TMC7: variants seen among roughly 807,000 people sequenced by gnomAD.
The protein encoded by TMC7 is transmembrane channel like 7.
In TMC7, 54 loss-of-function variants were observed where a neutral mutation model predicts 82.9. The ratio of observed to expected loss-of-function variants is 0.65; its 90% CI spans 0.52 to 0.82. The LOEUF is 0.82. Ranked by LOEUF, TMC7 falls within the 40% of genes least tolerant of loss-of-function variation. The pLI is 0.00. For missense variants in TMC7, 820 were observed against 901.2 expected, an observed-to-expected ratio of 0.91 and a Z score of 1.15; for synonymous variants, 350 against 337.9, an observed-to-expected ratio of 1.04 and a Z score of -0.39.
chr16:19,013,684 A>T (rs1396189443), intron 2 of TMC7, among the ~76,000 whole-genome samples: 2 of 150,484 alleles, frequency 1.3e-5, no homozygotes, highest in South Asian at 4.2e-4. Flanking sequence ...TGCCTGGCTA[A>T]TTTTTTTTAT....
chr16:19,047,642 G>A (rs1332422556), intron 12 of TMC7, among the ~76,000 whole-genome samples: 1 of 150,010 alleles, frequency 6.7e-6, no homozygotes, highest in African/African-American at 2.5e-5. Context: ...TGATCCACCC[G>A]CCTCGGCCTC....
intron 9 of TMC7, among the ~76,000 whole-genome samples, chr16:19,041,652 G>A (rs559795812): frequency 2.0e-5 from 3 of 152,228 alleles, no homozygotes; most frequent in South Asian, 2.1e-4. Context: ...GATTACAGGC[G>A]TGAGCCACCG....
chr16:18,992,754 CA>C (rs1387104193), intron 1 of TMC7, among the ~76,000 whole-genome samples: 2 of 152,206 alleles, frequency 1.3e-5, no homozygotes, highest in East Asian at 1.9e-4. Context: ...GTCTTTAATC[CA>C]TCTTGAATTA....
intron 10 of TMC7, 163 bp downstream of exon 10, chr16:19,045,164 A>C: frequency 2.4e-6 from 2 of 825,406 alleles, no homozygotes; most frequent in Non-Finnish European, 4.0e-6. Context: ...AACCCCAGGC[A>C]CTTCTGAGGG....
intron 2 of TMC7, among the ~76,000 whole-genome samples, chr16:19,011,577 T>C (rs1217443330): frequency 1.3e-5 from 2 of 151,328 alleles, no homozygotes; most frequent in Admixed American, 6.6e-5. Context: ...ATTAGCTGGG[T>C]GTGGTGATGT....
In TMC7 at chr16:19,051,364, T is replaced by G. The variant is rs562223130; in HGVS notation, c.1741-322T>G. On this transcript the variant is annotated intron_variant, in intron 12 of 15. Coordinates refer to ENST00000304381, the MANE Select transcript of TMC7 (RefSeq NM_024847.4). ...TGTGCTGCACCCATTAACTTGTCAT[T>G]TAGCATTAGGTATGTCTCCTAATGC... Among the ~76,000 whole-genome samples, 4 of 151,992 alleles carry G rather than the reference T, an allele frequency of 2.6e-5. No individual in the cohort carries two copies. In the East Asian group the frequency reaches 7.7e-4, roughly 29 times the overall value.
chr16:18,997,365 C>T (rs954526198), intron 1 of TMC7, among the ~76,000 whole-genome samples: 2 of 152,036 alleles, frequency 1.3e-5, no homozygotes, highest in Admixed American at 6.6e-5. Context: ...TATGAGCCAC[C>T]GTGCCTGGCC....
rs137989665 is a variant in TMC7, at chr16:19,045,373, C to T, written c.1488C>T (p.Tyr496=). The T allele has an allele frequency of 4.5e-5, 73 of 1,613,886 alleles. No homozygotes were observed. In the Middle Eastern group the frequency reaches 4.9e-4, roughly 11 times the overall value. Residue 496 remains tyrosine (Y), a synonymous_variant, in exon 11 of 16, where the codon TAC becomes TAT. Transcript: ENST00000304381. ...AGACCCAAGTTGGGCAGGAAATGTA[C>T]AAGCTGATGATCTTCGACTTCATCA... ...CWETQVGQEM[Y]KLMIFDFIII... is the part of the protein sequence containing the mutation.
intron 13 of TMC7, among the ~76,000 whole-genome samples, chr16:19,055,037 C>T (rs924260903): frequency 8.6e-5 from 13 of 151,550 alleles, no homozygotes; most frequent in African/African-American, 2.7e-4. Flanking sequence ...CACAAGCCAC[C>T]GCACCTGGCC....
chr16:19,004,329 G>C (rs1199317003), intron 1 of TMC7, among the ~76,000 whole-genome samples: 3 of 152,006 alleles, frequency 2.0e-5, no homozygotes, highest in Non-Finnish European at 2.9e-5. Context: ...TTACCTAGTT[G>C]ATTTGTATGG....
At chr16:18,989,916 C>G (rs1295757330) in intron 1 of TMC7, among the ~76,000 whole-genome samples, 1 of 151,884 alleles carries the variant, frequency 6.6e-6, no homozygotes, top group Non-Finnish European at 1.5e-5. Context: ...AAGAGACCAC[C>G]AAACAGGCTT....
intron 10 of TMC7, 23 bp downstream of exon 10, chr16:19,045,024 T>C (rs749524819): frequency 1.3e-6 from 2 of 1,569,988 alleles, no homozygotes; most frequent in Non-Finnish European, 1.8e-6. Context: ...GCGGGGGCGT[T>C]CGGCTGGGTG....
At chr16:19,035,652 A>G in intron 6 of TMC7, 24 bp from the exon 7 acceptor site, 7 of 1,614,114 alleles carry the variant, frequency 4.3e-6, no homozygotes, top group Non-Finnish European at 5.9e-6. Context: ...TTCTATAAGA[A>G]GGATGATTGT....
intron 2 of TMC7, among the ~76,000 whole-genome samples, 185 bp from the exon 3 acceptor site, chr16:19,016,265 T>C (rs570485255): frequency 6.6e-6 from 1 of 151,802 alleles, no homozygotes; most frequent in Non-Finnish European, 1.5e-5. Context: ...TAATTTTGTA[T>C]TTTTAGTAGA....
intron 3 of TMC7, among the ~76,000 whole-genome samples, chr16:19,018,807 C>A (rs910522118): frequency 1.7e-4 from 26 of 152,104 alleles, no homozygotes; most frequent in East Asian, 5.8e-4. Context: ...TAAAAAAAAA[C>A]CAAAATACAA....
At chr16:19,034,006 G>A (rs1474742583) in intron 6 of TMC7, among the ~76,000 whole-genome samples, 1 of 152,152 alleles carries the variant, frequency 6.6e-6, no homozygotes, top group African/African-American at 2.4e-5. Flanking sequence ...CATGGCATCT[G>A]GTGTTTTATA....
At chr16:19,030,826 G>T (rs950466862) in intron 6 of TMC7, among the ~76,000 whole-genome samples, 4 of 152,008 alleles carry the variant, frequency 2.6e-5, no homozygotes, top group African/African-American at 9.7e-5. Context: ...GCCTACCCTG[G>T]CCTCCCAAAG....
In TMC7 at chr16:19,063,111, C is replaced by T. The variant is rs183755720; in HGVS notation, c.*1268C>T. 3.3e-5 allele frequency: 5 copies of T among 152,276 alleles called. No homozygotes were observed. The highest frequency in any genetic ancestry group is 6.5e-5 in the Admixed American group (1 of 15,292). The allele number at this position is 152,276 out of a possible 1,614,324, so 9.4% of individuals were successfully genotyped here. A position where few individuals can be genotyped will look rare whatever the true frequency, so the allele number is the denominator to read the frequency against. On this transcript the variant is annotated 3_prime_UTR_variant, in exon 16 of 16. Transcript: ENST00000304381. The stretch of plus-strand genomic sequence containing the variant: ...GTAACTGGGATACCAATGAGCTTTT[C>T]GGTCTTTTCCTGACTTGGTAAGGTT...
At chr16:19,020,281 A>G (rs1959903231) in intron 3 of TMC7, among the ~76,000 whole-genome samples, 1 of 152,200 alleles carries the variant, frequency 6.6e-6, no homozygotes, top group Non-Finnish European at 1.5e-5. Flanking sequence ...TGAGAATGAG[A>G]AAAAGGTGCC....
Sources: allele counts gnomAD v4.1 joint callset (sites outside exome capture counted in the v4.1 genomes callset), GRCh38; gene constraint gnomAD v4.1.1; transcripts MANE v1.5; gene names NCBI Gene and HGNC (gene_info 2026-07-23, HGNC 2026-07-21).